The following SIDT1 variants were observed in gnomAD, a reference collection of about 807,000 sequenced individuals.
SIDT1 encodes the protein SID1 transmembrane family member 1.
SIDT1 carries 101 observed loss-of-function variants against 107.5 expected under a neutral mutation model. The observed-to-expected ratio is 0.94, with a 90% CI of 0.80 to 1.11. SIDT1 has a LOEUF of 1.11. Among genes scored for constraint, SIDT1 ranks in the 50% least tolerant of loss-of-function variants. SIDT1 has a pLI of 0.00. For missense variants in SIDT1, 1,076 were observed against 1,058.2 expected (o/e 1.02, Z -0.23); for synonymous variants, 395 against 398.2 (o/e 0.99, Z 0.10).
At chr3:113,570,016 G>A (rs1576800729) in intron 3 of SIDT1, among the ~76,000 whole-genome samples, 1 of 152,010 alleles carries the variant, frequency 6.6e-6, no homozygotes, top group Admixed American at 6.6e-5. Context: ...AGCGATTCTT[G>A]TGCCTCAGCC....
intron 19 of SIDT1, among the ~76,000 whole-genome samples, chr3:113,614,897 T>C (rs576768000): frequency 6.6e-6 from 1 of 152,226 alleles, no homozygotes; most frequent in Admixed American, 6.5e-5. Flanking sequence ...AGCAGAAAGA[T>C]CCTATGTTCT....
Position 113,623,742 on chromosome 3 carries a change from CCA to C in SIDT1, c.2307+10_2307+11del. 1 of 1,593,028 alleles carries C rather than the reference CCA, an allele frequency of 6.3e-7. No homozygotes were observed. Among genetic ancestry groups the C allele is most frequent in the Non-Finnish European group, 8.6e-7 (1 of 1,161,474 alleles). The stretch of plus-strand genomic sequence containing the variant: ...ATCTCAGCAGCTGGGAGGTAAGAGG[CCA>C]GTTTTCTTATCCAAAAACAACCTCT... On this transcript the variant is annotated intron_variant, in intron 23 of 24. Transcript: ENST00000264852.
chr3:113,534,968 G>A (rs1244349478), intron 1 of SIDT1, among the ~76,000 whole-genome samples: 2 of 152,176 alleles, frequency 1.3e-5, no homozygotes, highest in African/African-American at 4.8e-5. Flanking sequence ...CTAGCACAGT[G>A]AATGGCACAT....
At chr3:113,583,812 C>T (rs953694420) in intron 7 of SIDT1, among the ~76,000 whole-genome samples, 4 of 152,204 alleles carry the variant, frequency 2.6e-5, no homozygotes, top group Non-Finnish European at 5.9e-5. Flanking sequence ...AAGTAATGAT[C>T]TTACACAGCG....
intron 1 of SIDT1, among the ~76,000 whole-genome samples, chr3:113,553,893 A>C (rs1940552238): frequency 6.6e-6 from 1 of 152,196 alleles, no homozygotes; most frequent in African/African-American, 2.4e-5. Flanking sequence ...TAAAAATACA[A>C]AAAATTCGCT....
At chr3:113,549,844 C>T (rs78880445) in intron 1 of SIDT1, among the ~76,000 whole-genome samples, 7 of 152,140 alleles carry the variant, frequency 4.6e-5, no homozygotes, top group Non-Finnish European at 7.4e-5. Context: ...TTTTCTCCTA[C>T]GCTATCTTTT....
chr3:113,581,032 A>G (rs1453176751), intron 5 of SIDT1, among the ~76,000 whole-genome samples: 3 of 152,054 alleles, frequency 2.0e-5, no homozygotes, highest in East Asian at 1.9e-4. Flanking sequence ...GAACCCTACC[A>G]TTTGTTCTGC....
At chr3:113,544,866 C>A (rs1302174805) in intron 1 of SIDT1, among the ~76,000 whole-genome samples, 2 of 152,074 alleles carry the variant, frequency 1.3e-5, no homozygotes, top group Non-Finnish European at 2.9e-5. Flanking sequence ...GTAGTCCCAG[C>A]ATTTTGGGAG....
intron 3 of SIDT1, among the ~76,000 whole-genome samples, chr3:113,570,009 G>A (rs1487254552): frequency 6.6e-6 from 1 of 152,110 alleles, no homozygotes; most frequent in African/African-American, 2.4e-5. Context: ...GGGTTCAAGC[G>A]ATTCTTGTGC....
intron 1 of SIDT1, among the ~76,000 whole-genome samples, chr3:113,557,870 A>G (rs925021711): frequency 2.0e-5 from 3 of 152,222 alleles, no homozygotes; most frequent in Non-Finnish European, 4.4e-5. Flanking sequence ...TCCCCTGGCT[A>G]TATTTCTTTT....
chr3:113,563,425 TC>T (rs1941614555), intron 1 of SIDT1, among the ~76,000 whole-genome samples: 1 of 152,212 alleles, frequency 6.6e-6, no homozygotes, highest in Non-Finnish European at 1.5e-5. Flanking sequence ...GGTGAAAACT[TC>T]CTTGACTATG....
At chr3:113,542,053 A>T (rs1265866095) in intron 1 of SIDT1, among the ~76,000 whole-genome samples, 3 of 151,106 alleles carry the variant, frequency 2.0e-5, no homozygotes, top group African/African-American at 7.3e-5. Context: ...CCTCCCCAGT[A>T]GCTGGGATTA....
intron 3 of SIDT1, among the ~76,000 whole-genome samples, chr3:113,575,141 T>C (rs928978262): frequency 2.0e-5 from 3 of 152,172 alleles, no homozygotes; most frequent in African/African-American, 7.2e-5. Context: ...AAAGTGAATA[T>C]CAAATCTTCA....
intron 14 of SIDT1, 43 bp from the exon 15 acceptor site, chr3:113,606,998 C>A: frequency 7.9e-7 from 1 of 1,270,950 alleles, no homozygotes; most frequent in Non-Finnish European, 1.2e-6. Flanking sequence ...GCTCAGAGGA[C>A]GGAGGAAAAC....
chr3:113,592,918 C>G, intron 9 of SIDT1, 87 bp from the exon 10 acceptor site: 1 of 1,088,974 alleles, frequency 9.2e-7, no homozygotes, highest in Non-Finnish European at 1.4e-6. Flanking sequence ...TCCTAGTAGA[C>G]AAATCCGCAA....
At chr3:113,573,077 T>C (rs1034279413) in intron 3 of SIDT1, among the ~76,000 whole-genome samples, 34 of 151,740 alleles carry the variant, frequency 2.2e-4, no homozygotes, top group South Asian at 1.5e-3. Flanking sequence ...TTTACACTAA[T>C]AGAATGAGTA....
At chr3:113,623,299 A>G (rs1209855859) in intron 21 of SIDT1, 128 bp from the exon 22 acceptor site, 4 of 530,730 alleles carry the variant, frequency 7.5e-6, no homozygotes, top group Non-Finnish European at 1.3e-5. Context: ...AATAAAATGA[A>G]CTAAAAATAA....
At chr3:113,557,638 GC>G (rs1941019448) in intron 1 of SIDT1, among the ~76,000 whole-genome samples, 1 of 152,178 alleles carries the variant, frequency 6.6e-6, no homozygotes, top group African/African-American at 2.4e-5. Flanking sequence ...GCAGGAAGAG[GC>G]AAGGAAGTTT....
chr3:113,612,492 A>T, intron 19 of SIDT1: 1 of 489,442 alleles, frequency 2.0e-6, no homozygotes, highest in African/African-American at 1.9e-5. Flanking sequence ...CCAAACTTTG[A>T]CTTGTATTAG....
Sources: gnomAD v4.1 joint callset for allele counts (sites outside exome capture counted in the v4.1 genomes callset) on GRCh38, gnomAD v4.1.1 for gene constraint, MANE v1.5 for transcripts, NCBI Gene and HGNC (gene_info 2026-07-23, HGNC 2026-07-21) for gene names.